The following CACNA1C variants were observed in gnomAD, a reference collection of about 807,000 sequenced individuals.
CACNA1C encodes the protein calcium voltage-gated channel subunit alpha1 C.
A neutral mutation model predicts 229.0 loss-of-function variants in CACNA1C; 30 were observed. The observed-to-expected ratio is 0.13, with a 90% CI of 0.10 to 0.18. The LOEUF (loss-of-function observed/expected upper bound fraction) is 0.18, where lower values mean the gene tolerates loss of function less well. CACNA1C is among the 10% of genes least tolerant of loss of function. The pLI is 1.00. For missense variants in CACNA1C, 1,658 were observed against 2,845.0 expected (o/e 0.58, Z 9.49); for synonymous variants, 1,114 against 1,132.5 (o/e 0.98, Z 0.33).
intron 1 of CACNA1C, among the ~76,000 whole-genome samples, chr12:2,041,208 A>G (rs898390806): frequency 6.6e-6 from 1 of 152,056 alleles, no homozygotes; most frequent in East Asian, 1.9e-4. Flanking sequence ...ATAAAATCCA[A>G]ACAATCTGGG....
At chr12:2,478,318 A>G (rs756495324) in intron 5 of CACNA1C, among the ~76,000 whole-genome samples, 4 of 152,160 alleles carry the variant, frequency 2.6e-5, no homozygotes, top group African/African-American at 4.8e-5. Context: ...GATAACACCA[A>G]AAAGACTGGA....
At position 2,605,184 on chromosome 12, in the gene CACNA1C, G is replaced by A. The variant is rs1316842736; in HGVS notation, c.3048+16G>A. 2.5e-6 allele frequency: 4 copies of A among 1,570,548 alleles called. No individual in the cohort carries two copies. Among genetic ancestry groups the A allele is most frequent in the African/African-American group, 1.4e-5 (1 of 74,036 alleles). On this transcript the variant is annotated intron_variant, in intron 23 of 46. Coordinates refer to ENST00000399655, the MANE Select transcript of CACNA1C (RefSeq NM_000719.7). The surrounding 1 kb of genome is among the most constrained non-coding windows in gnomAD (Gnocchi z 6.2). ...GGGGCTAAAGGTGAGTTGAGGGCTT[G>A]GGTAGGGAGTCTCCAGCCAGCCCAT...
chr12:1,986,667 A>ATT (rs71057813), intron 1 of CACNA1C, among the ~76,000 whole-genome samples: 72 of 149,864 alleles, frequency 4.8e-4, no homozygotes, highest in African/African-American at 1.3e-3. Flanking sequence ...AGGTTTTGTT[A>ATT]TTTTTTTTTT....
At chr12:2,543,075 T>C (rs982749608) in intron 9 of CACNA1C, among the ~76,000 whole-genome samples, 1 of 152,170 alleles carries the variant, frequency 6.6e-6, no homozygotes, top group African/African-American at 2.4e-5. Flanking sequence ...CTCATTTTCT[T>C]GTGGAGTCTT....
chr12:2,280,146 T>G (rs1009498354), intron 3 of CACNA1C, among the ~76,000 whole-genome samples: 29 of 151,984 alleles, frequency 1.9e-4, no homozygotes, highest in African/African-American at 7.0e-4. Context: ...AACCTCTTGA[T>G]ACTTTGCTGT....
chr12:2,536,695 G>A lies in CACNA1C; in HGVS notation c.1391-13248G>A, dbSNP rs369774342. ...AATTTAAAAATTAGCCATGCATGGT[G>A]GTGCATGCCTGTGGTCCCAGCTACT... On this transcript the variant is annotated intron_variant, in intron 9 of 46. Coordinates refer to ENST00000399655, the MANE Select transcript of CACNA1C (RefSeq NM_000719.7). Among the ~76,000 whole-genome samples, 8 of 152,208 alleles carry A rather than the reference G, an allele frequency of 5.3e-5. No homozygotes were observed. The South Asian group carries it at 6.3e-4, about 12-fold the overall frequency.
At chr12:2,008,751 T>A (rs1345792743) in intron 1 of CACNA1C, among the ~76,000 whole-genome samples, 1 of 152,208 alleles carries the variant, frequency 6.6e-6, no homozygotes, top group Non-Finnish European at 1.5e-5. Flanking sequence ...CTCTTGAAGA[T>A]TAGAAATCAT....
chr12:2,068,711 GAGTTGGC>G (rs1276878208), intron 1 of CACNA1C, among the ~76,000 whole-genome samples: 4 of 152,192 alleles, frequency 2.6e-5, no homozygotes, highest in Non-Finnish European at 4.4e-5. Flanking sequence ...GCCCTCGTGG[GAGTTGGC>G]ATGGCAGGCC....
chr12:2,198,606 T>C (rs535331358), intron 3 of CACNA1C, among the ~76,000 whole-genome samples: 41 of 152,332 alleles, frequency 2.7e-4, no homozygotes, highest in African/African-American at 5.8e-4. Flanking sequence ...GGCAAATTTA[T>C]ACAATGCCTT....
intron 3 of CACNA1C, among the ~76,000 whole-genome samples, chr12:2,233,051 A>T (rs1452920774): frequency 1.3e-5 from 2 of 152,104 alleles, no homozygotes; most frequent in East Asian, 3.8e-4. Context: ...GTTTTATTGG[A>T]GAGTGGTAGT....
At chr12:2,571,495 G>A (rs1444774782) in intron 13 of CACNA1C, among the ~76,000 whole-genome samples, 1 of 152,084 alleles carries the variant, frequency 6.6e-6, no homozygotes, top group African/African-American at 2.4e-5. Context: ...AAGAAATCTT[G>A]CTGCTATATA....
chr12:2,356,150 TTCCTTTGCTTCACAA>T (rs2097355769), intron 3 of CACNA1C, among the ~76,000 whole-genome samples: 1 of 152,196 alleles, frequency 6.6e-6, no homozygotes, highest in African/African-American at 2.4e-5. Context: ...AGCTTAGTCT[TTCCTTTGCTTCACAA>T]TCAAGAAGTG....
rs762037748 is a variant in CACNA1C at position 2,504,453 on chromosome 12, C to T, written c.1114-389C>T. ...CTTTCCAGATGCAGGACGCTATGGG[C>T]TATGAGTTACCCTGGGTGTATTTTG... On this transcript the variant is annotated intron_variant, in intron 7 of 46. Coordinates refer to ENST00000399655, the MANE Select transcript of CACNA1C (RefSeq NM_000719.7). This position sits in a 1 kb window ranked among gnomAD's most constrained non-coding sequence, Gnocchi z 6.8. 1 of 1,603,598 alleles carries T rather than the reference C, an allele frequency of 6.2e-7. No individual in the cohort carries two copies. The highest frequency in any genetic ancestry group is 2.2e-5 in the East Asian group (1 of 44,818).
intron 3 of CACNA1C, among the ~76,000 whole-genome samples, chr12:2,413,765 G>A (rs112810266): frequency 2.6e-3 from 398 of 152,250 alleles, no homozygotes; most frequent in Non-Finnish European, 4.0e-3. Context: ...GTCCTTCCAC[G>A]GAGAAGGCCC....
upstream of CACNA1C, chr12:2,048,618 T>C (rs1239170678): frequency 1.3e-5 from 2 of 152,352 alleles, no homozygotes; most frequent in African/African-American, 2.4e-5. Context: ...CAGGTAATTT[T>C]TGCAGGTGGG....
At chr12:2,494,008 CT>C (rs926084139) in intron 7 of CACNA1C, among the ~76,000 whole-genome samples, 60 of 148,046 alleles carry the variant, frequency 4.1e-4, no homozygotes, top group Admixed American at 1.9e-3. Flanking sequence ...TAGAAATACA[CT>C]TTTTTTTTTT....
chr12:2,111,593 A>G (rs1428877956), intron 1 of CACNA1C, among the ~76,000 whole-genome samples: 1 of 151,916 alleles, frequency 6.6e-6, no homozygotes, highest in Admixed American at 6.6e-5. Context: ...TGGAGGGCTT[A>G]CCATGAGTGA....
chr12:2,225,013 A>G (rs531287648), intron 3 of CACNA1C, among the ~76,000 whole-genome samples: 2 of 152,332 alleles, frequency 1.3e-5, no homozygotes, highest in East Asian at 3.9e-4. Context: ...AGAATGGATG[A>G]ATAAACGTTC....
rs147374591 is a variant in CACNA1C, at chr12:2,475,042, G to T, written c.758-11062G>T. Among the ~76,000 whole-genome samples the T allele has an allele frequency of 6.3e-3, 952 of 152,060 alleles. 16 individuals carry two copies. Among genetic ancestry groups the T allele is most frequent in the African/African-American group, 0.022 (911 of 41,502 alleles). On this transcript the variant is annotated intron_variant, in intron 5 of 46. Transcript: ENST00000399655. ...TGGCTGGGCGCGGTGGCTCACGCTT[G>T]TAATCCCAGCACTTTGGTGGGCCGA...
Sources: gnomAD v4.1 joint callset for allele counts (sites outside exome capture counted in the v4.1 genomes callset) on GRCh38, gnomAD v4.1.1 for gene constraint, Gnocchi (gnomAD v3.1) non-coding constraint, MANE v1.5 for transcripts, NCBI Gene and HGNC (gene_info 2026-07-23, HGNC 2026-07-21) for gene names.